Variants in RFX8 observed in about 807,000 individuals in gnomAD.
The protein encoded by RFX8 is regulatory factor X8, also known as DNA-binding protein RFX8.
Under a neutral mutation model 54.6 loss-of-function variants are expected in RFX8, and 46 were observed. That is an observed-to-expected ratio of 0.84 (90% CI 0.67 to 1.08). The LOEUF (loss-of-function observed/expected upper bound fraction) is 1.08. Among genes scored for constraint, RFX8 ranks in the 50% least tolerant of loss-of-function variants. RFX8 has a pLI of 0.00. For synonymous variants in RFX8, 192 were observed against 209.5 expected, an observed-to-expected ratio of 0.92 and a Z score of 0.72; for missense variants, 536 against 562.3, an observed-to-expected ratio of 0.95 and a Z score of 0.47.
chr2:101,444,041 C>T (rs1261306610), intron 2 of RFX8, among the ~76,000 whole-genome samples: 4 of 152,154 alleles, frequency 2.6e-5, no homozygotes, highest in African/African-American at 7.2e-5. Flanking sequence ...GTAGTGAAGC[C>T]GTGGGTCAAT....
At chr2:101,440,108 T>TAA (rs35325879) in intron 2 of RFX8, among the ~76,000 whole-genome samples, 9 of 151,040 alleles carry the variant, frequency 6.0e-5, no homozygotes, top group African/African-American at 1.9e-4. Context: ...GCTGAGATTT[T>TAA]AAAAAAAAAC....
At chr2:101,464,408 C>A (rs994967206) in intron 2 of RFX8, among the ~76,000 whole-genome samples, 1 of 152,198 alleles carries the variant, frequency 6.6e-6, no homozygotes, top group Non-Finnish European at 1.5e-5. Context: ...ATGCCCAGTA[C>A]CGCCACAAAG....
At chr2:101,405,295 C>T (rs1036830260) in intron 10 of RFX8, among the ~76,000 whole-genome samples, 31 of 152,028 alleles carry the variant, frequency 2.0e-4, no homozygotes, top group African/African-American at 3.9e-4. Flanking sequence ...TACAAGCGTC[C>T]GCCACCGCGC....
intron 2 of RFX8, chr2:101,428,808 C>T (rs1233425872): frequency 8.3e-6 from 5 of 600,280 alleles, no homozygotes; most frequent in Non-Finnish European, 1.5e-5. Flanking sequence ...AGTGGTGGCA[C>T]TGAACATTCA....
intron 5 of RFX8, among the ~76,000 whole-genome samples, chr2:101,418,206 G>T (rs892207446): frequency 2.0e-5 from 3 of 152,156 alleles, no homozygotes; most frequent in African/African-American, 7.2e-5. Flanking sequence ...ATTTTTAAAA[G>T]ATTGATAACT....
chr2:101,452,439 C>A, intron 2 of RFX8: 2 of 1,352,748 alleles, frequency 1.5e-6, no homozygotes. Context: ...AAAAACCAAT[C>A]TCACAAGCTA....
rs1690182018 is a variant in RFX8, at chr2:101,474,270, G to T, written c.-53+366C>A. ...TCGACGGCGAGGCCGGCACCCCCTCGGCCATGGCTCGGCCCCGGGCCTGCA... is the reference window on the plus strand; with the variant it reads ...TCGACGGCGAGGCCGGCACCCCCTCTGCCATGGCTCGGCCCCGGGCCTGCA... On this transcript the variant is annotated intron_variant, in intron 1 of 11. Transcript: ENST00000428343. The T allele has an allele frequency of 5.0e-6, 3 of 599,984 alleles. No homozygotes were observed. In the Admixed American group the frequency reaches 9.0e-5, roughly 18 times the overall value. 37.2% of individuals were successfully genotyped at this position (599,984 alleles called of 1,614,324 possible).
chr2:101,434,606 T>C (rs1687669251), intron 2 of RFX8, among the ~76,000 whole-genome samples: 1 of 152,192 alleles, frequency 6.6e-6, no homozygotes, highest in Admixed American at 6.5e-5. Flanking sequence ...AGCGATAAAA[T>C]GATAACAGTT....
chr2:101,410,683 G>T lies in RFX8; in HGVS notation c.749C>A (p.Thr250Lys). Reference protein sequence around the residue: ...CLRNLISLLGTSTDLRVFLSC... With the variant: ...CLRNLISLLGKSTDLRVFLSC... ...GAGGAATACCCTGAGATCTGTTGAT[G>T]TTCCCAGCAAAGAAATTAAGTTTCT... Residue 250 changes from threonine to lysine, a missense_variant, in exon 9 of 12, where the codon ACA (threonine) becomes AAA (lysine). Coordinates refer to ENST00000428343, the MANE Select transcript of RFX8 (RefSeq NM_001145664.2). 6.5e-7 allele frequency: 1 copy of T among 1,543,298 alleles called. No homozygotes were observed. The highest frequency in any genetic ancestry group is 8.8e-7 in the Non-Finnish European group (1 of 1,139,656).
At chr2:101,411,955 A>G (rs1292536067) in intron 8 of RFX8, among the ~76,000 whole-genome samples, 1 of 152,190 alleles carries the variant, frequency 6.6e-6, no homozygotes, top group African/African-American at 2.4e-5. Context: ...CGAAACACTG[A>G]AGTGCTCCTG....
At chr2:101,458,539 C>T (rs1689105165) in intron 2 of RFX8, among the ~76,000 whole-genome samples, 1 of 152,180 alleles carries the variant, frequency 6.6e-6, no homozygotes, top group African/African-American at 2.4e-5. Context: ...ATATTGGCCC[C>T]CACTCTCTTC....
chr2:101,470,104 C>T (rs1411293025), intron 1 of RFX8, among the ~76,000 whole-genome samples: 1 of 151,902 alleles, frequency 6.6e-6, no homozygotes, highest in South Asian at 2.1e-4. Context: ...TCAGTGTCAC[C>T]CAGTAGTTGC....
chr2:101,446,058 T>A (rs62154325), intron 2 of RFX8, among the ~76,000 whole-genome samples: 1 of 152,000 alleles, frequency 6.6e-6, no homozygotes, highest in African/African-American at 2.4e-5. Flanking sequence ...AATACACTTT[T>A]GTATGTTCTG....
rs1689604373 is a variant in RFX8, at chr2:101,466,900, C to T, written c.-52G>A. ...CGCAAATGCAGAAGTTGTCGACCAA[C>T]CTGGAGGAGAGGAGGACAAGGAGGA... On this transcript the variant is annotated splice_region_variant and 5_prime_UTR_variant, in exon 2 of 12. Transcript: ENST00000428343. 7.4e-7 allele frequency: 1 copy of T among 1,352,652 alleles called. No homozygotes were observed. Among genetic ancestry groups the T allele is most frequent in the East Asian group, 2.5e-5 (1 of 39,954 alleles). 83.8% of individuals were successfully genotyped at this position (1,352,652 alleles called of 1,614,324 possible).
At chr2:101,458,500 T>C (rs1005376640) in intron 2 of RFX8, among the ~76,000 whole-genome samples, 3 of 152,214 alleles carry the variant, frequency 2.0e-5, no homozygotes, top group African/African-American at 7.2e-5. Flanking sequence ...AAATTCTGGG[T>C]TGAAAATTCT....
At chr2:101,408,529 A>C (rs976827825) in intron 9 of RFX8, among the ~76,000 whole-genome samples, 5 of 151,956 alleles carry the variant, frequency 3.3e-5, no homozygotes, top group African/African-American at 1.2e-4. Flanking sequence ...TCCAGTTTCC[A>C]CTTAACGAAC....
chr2:101,417,405 T>C lies in RFX8; in HGVS notation c.502+129A>G, dbSNP rs6761866. On this transcript the variant is annotated intron_variant, in intron 6 of 11. Transcript: ENST00000428343. ...ACTTTTTTGTGAGACAGGATCTCACTATGTTGCCCGGGCTGGTCTCAAACT... is the reference window on the plus strand; with the variant it reads ...ACTTTTTTGTGAGACAGGATCTCACCATGTTGCCCGGGCTGGTCTCAAACT... The C allele has an allele frequency of 0.97, 761,723 of 785,432 alleles. 370,379 individuals are homozygous for C. Among genetic ancestry groups the C allele is most frequent in the Non-Finnish European group, 0.99 (498,354 of 501,816 alleles). 48.7% of individuals were successfully genotyped at this position (785,432 alleles called of 1,614,324 possible).
chr2:101,425,671 T>TA (rs1370373025), intron 2 of RFX8, among the ~76,000 whole-genome samples: 1 of 152,240 alleles, frequency 6.6e-6, no homozygotes, highest in East Asian at 1.9e-4. Context: ...AGACATTACT[T>TA]ATAGGCATAA....
intron 4 of RFX8, among the ~76,000 whole-genome samples, chr2:101,420,360 G>A (rs1192142277): frequency 1.3e-5 from 2 of 151,932 alleles, no homozygotes; most frequent in African/African-American, 4.8e-5. Flanking sequence ...TGGCCAGCAT[G>A]GTAAAAACCC....
Sources: gnomAD v4.1 joint callset for allele counts (sites outside exome capture counted in the v4.1 genomes callset) on GRCh38, gnomAD v4.1.1 for gene constraint, MANE v1.5 for transcripts, NCBI Gene and HGNC (gene_info 2026-07-23, HGNC 2026-07-21) for gene names.